Variants in HUNK observed in about 807,000 individuals in gnomAD.
HUNK encodes hormonally up-regulated Neu-associated kinase.
HUNK carries 21 observed loss-of-function variants against 61.0 expected under a neutral mutation model. The observed-to-expected ratio is 0.34, with a 90% CI of 0.24 to 0.50. HUNK has a LOEUF of 0.50. Among genes scored for constraint, HUNK ranks in the 20% least tolerant of loss-of-function variants. HUNK has a pLI of 0.98. For synonymous variants in HUNK, 371 were observed against 386.1 expected (o/e 0.96, Z 0.46); for missense variants, 772 against 945.7 (o/e 0.82, Z 2.41).
At chr21:31,923,632 G>A (rs1285163877) in intron 1 of HUNK, among the ~76,000 whole-genome samples, 2 of 150,832 alleles carry the variant, frequency 1.3e-5, no homozygotes, top group Admixed American at 6.6e-5. Flanking sequence ...CAATGGAGAG[G>A]TGACTTCCCC....
In HUNK at chr21:31,924,286, T is replaced by TGTG. The variant is rs367852433; in HGVS notation, c.262-182_262-181insGTG. 0.094 allele frequency among the ~76,000 whole-genome samples: 12,985 copies of TGTG among 138,298 alleles called. 614 individuals carry two copies. Among genetic ancestry groups the TGTG allele is most frequent in the South Asian group, 0.19 (847 of 4,364 alleles). The allele number at this position is 138,298 out of a possible 152,430, so 90.7% of individuals were successfully genotyped here. A position where few individuals can be genotyped will look rare whatever the true frequency, so the allele number is the denominator to read the frequency against. ...CCTATATGTGTGTGTGTGTGTGTGT[T>TGTG]TGTGTGGTATATGCATAAATATAAA... On this transcript the variant is annotated intron_variant, in intron 1 of 10. Coordinates refer to ENST00000270112, the MANE Select transcript of HUNK (RefSeq NM_014586.2). The surrounding 1 kb of genome is among the most constrained non-coding windows in gnomAD (Gnocchi z 5.1).
At chr21:31,886,460 G>A (rs1055417727) in intron 1 of HUNK, among the ~76,000 whole-genome samples, 9 of 147,622 alleles carry the variant, frequency 6.1e-5, no homozygotes, top group African/African-American at 2.2e-4. Flanking sequence ...TTCAAATAAA[G>A]TACTGAGGTA....
chr21:31,927,886 A>G (rs2052671771), intron 2 of HUNK, among the ~76,000 whole-genome samples: 1 of 152,174 alleles, frequency 6.6e-6, no homozygotes, highest in Non-Finnish European at 1.5e-5. Context: ...AGGTGAGAGC[A>G]CCTCTTCACA....
chr21:31,955,313 C>T (rs554841481), intron 4 of HUNK, among the ~76,000 whole-genome samples: 11 of 58 alleles, frequency 0.19, no homozygotes, highest in Non-Finnish European at 0.2. Context: ...AAAGCAGGGC[C>T]GGGCGCGGTG....
rs1034790939 is a variant in HUNK, at chr21:31,926,093, T to C, written c.554+1333T>C. Among the ~76,000 whole-genome samples the C allele has an allele frequency of 8.5e-5, 13 of 152,314 alleles. No homozygotes were observed. In the South Asian group the frequency reaches 2.7e-3, roughly 32 times the overall value. On this transcript the variant is annotated intron_variant, in intron 2 of 10. Transcript: ENST00000270112. ...GCCACAACGCCCGGCTAATTTTTTA[T>C]TTTTAGTAGAGATGGGCTTTCTCCA...
intron 2 of HUNK, among the ~76,000 whole-genome samples, chr21:31,930,048 A>C (rs996306741): frequency 6.6e-6 from 1 of 152,202 alleles, no homozygotes; most frequent in Non-Finnish European, 1.5e-5. Context: ...ATTGGGTTTA[A>C]AAAAATAGCA....
intron 5 of HUNK, among the ~76,000 whole-genome samples, chr21:31,960,178 G>A (rs2052917085): frequency 2.6e-5 from 4 of 152,196 alleles, no homozygotes; most frequent in African/African-American, 9.6e-5. Flanking sequence ...CCGTGAATAT[G>A]TGTTGTGCAC....
At chr21:31,888,684 G>T (rs2052365822) in intron 1 of HUNK, among the ~76,000 whole-genome samples, 1 of 152,048 alleles carries the variant, frequency 6.6e-6, no homozygotes. Context: ...AGGTTATGGT[G>T]AGCCAAGATT....
chr21:31,880,972 A>G (rs1268329573), intron 1 of HUNK, among the ~76,000 whole-genome samples: 3 of 152,210 alleles, frequency 2.0e-5, no homozygotes, highest in Non-Finnish European at 4.4e-5. Flanking sequence ...GAGCTGACCA[A>G]CTTGGGTTGA....
chr21:31,974,995 T>TC (rs1342083483), intron 7 of HUNK, among the ~76,000 whole-genome samples: 1 of 151,084 alleles, frequency 6.6e-6, no homozygotes, highest in Admixed American at 6.6e-5. Flanking sequence ...ATCTCTGTTG[T>TC]CTTTTTTTTT....
At chr21:31,916,043 CTTTTTTTT>C (rs34245381) in intron 1 of HUNK, among the ~76,000 whole-genome samples, 10 of 81,770 alleles carry the variant, frequency 1.2e-4, no homozygotes, top group Admixed American at 2.0e-4. Context: ...TAAGTGCTTT[CTTTTTTTT>C]TTTTTTTTTT....
intron 1 of HUNK, among the ~76,000 whole-genome samples, chr21:31,887,897 C>T (rs1369235869): frequency 6.6e-6 from 1 of 152,130 alleles, no homozygotes; most frequent in Non-Finnish European, 1.5e-5. Flanking sequence ...CAGTAAAAAC[C>T]TGCAGGAAAG....
intron 6 of HUNK, among the ~76,000 whole-genome samples, chr21:31,970,697 T>C (rs2053004016): frequency 6.6e-6 from 1 of 152,218 alleles, no homozygotes; most frequent in South Asian, 2.1e-4. Flanking sequence ...GTGGAGTTGG[T>C]GTTAGACAGT....
At chr21:31,900,378 G>A (rs2052456151) in intron 1 of HUNK, among the ~76,000 whole-genome samples, 1 of 151,570 alleles carries the variant, frequency 6.6e-6, no homozygotes, top group Non-Finnish European at 1.5e-5. Flanking sequence ...TTGAGCACAA[G>A]CAAGCGTGTG....
chr21:31,892,126 T>C (rs2052391319), intron 1 of HUNK, among the ~76,000 whole-genome samples: 1 of 140,902 alleles, frequency 7.1e-6, no homozygotes, highest in Non-Finnish European at 1.5e-5. Context: ...AGATACCTCA[T>C]GGTATTCAAT....
At chr21:31,989,353 A>C (rs1260093660) in intron 8 of HUNK, among the ~76,000 whole-genome samples, 1 of 152,186 alleles carries the variant, frequency 6.6e-6, no homozygotes, top group Non-Finnish European at 1.5e-5. Flanking sequence ...CTTATTTCAA[A>C]ATCTATATAA....
chr21:31,972,889 A>G (rs2053021650), intron 6 of HUNK, among the ~76,000 whole-genome samples: 1 of 151,956 alleles, frequency 6.6e-6, no homozygotes, highest in African/African-American at 2.4e-5. Context: ...GTGGCAGGCA[A>G]TGGTCAGGAG....
chr21:31,989,436 C>G (rs919451641), intron 8 of HUNK, among the ~76,000 whole-genome samples: 1 of 152,106 alleles, frequency 6.6e-6, no homozygotes, highest in Non-Finnish European at 1.5e-5. Flanking sequence ...GTTACTTGGC[C>G]GGGCTCAGTG....
intron 1 of HUNK, among the ~76,000 whole-genome samples, chr21:31,898,162 G>A (rs1434594528): frequency 6.6e-6 from 1 of 150,950 alleles, no homozygotes; most frequent in Non-Finnish European, 1.5e-5. Context: ...GTATTTCTCA[G>A]TCTTATTTTT....
Sources: gnomAD v4.1 joint callset for allele counts (sites outside exome capture counted in the v4.1 genomes callset) on GRCh38, gnomAD v4.1.1 for gene constraint, Gnocchi (gnomAD v3.1) non-coding constraint, MANE v1.5 for transcripts, NCBI Gene and HGNC (gene_info 2026-07-23, HGNC 2026-07-21) for gene names.